PRKAG2: variants seen among roughly 807,000 people sequenced by gnomAD.
The protein encoded by PRKAG2 is 5'-AMP-activated protein kinase subunit gamma-2.
A neutral mutation model predicts 69.6 loss-of-function variants in PRKAG2; 26 were observed. The observed-to-expected ratio is 0.37, with a 90% CI of 0.27 to 0.52. The LOEUF (loss-of-function observed/expected upper bound fraction) is 0.52, where lower values mean the gene tolerates loss of function less well. PRKAG2 is among the 20% of genes least tolerant of loss of function. PRKAG2 has a pLI of 0.90. For missense variants in PRKAG2, 557 were observed against 740.0 expected (o/e 0.75, Z 2.87); for synonymous variants, 293 against 285.0 (o/e 1.03, Z -0.28).
intron 1 of PRKAG2, among the ~76,000 whole-genome samples, chr7:151,855,014 CCCTCCACACACACCAT>C (rs1563756489): frequency 0.02 from 478 of 23,434 alleles, 21 homozygotes; most frequent in East Asian, 0.061. Flanking sequence ...ACACACACCA[CCCTCCACACACACCAT>C]GCTCCACACA....
At position 151,557,597 on chromosome 7, in the gene PRKAG2, C is replaced by T. The variant is rs556560988; in HGVS notation, c.1679-365G>A. 734 of 983,720 alleles carry T rather than the reference C, an allele frequency of 7.5e-4. 5 individuals are homozygous for T. In the African/African-American group the frequency reaches 9.9e-3, roughly 13 times the overall value. The allele number at this position is 983,720 out of a possible 1,614,324, so 60.9% of individuals were successfully genotyped here. A position where few individuals can be genotyped will look rare whatever the true frequency, so the allele number is the denominator to read the frequency against. ...ATTAAAAAAAGGTTTAGGCCGGGCGCGGTGGCTCACATCTGTAATCCCAGC... is the reference window on the plus strand; with the variant it reads ...ATTAAAAAAAGGTTTAGGCCGGGCGTGGTGGCTCACATCTGTAATCCCAGC... On this transcript the variant is annotated intron_variant, in intron 15 of 15. Transcript: ENST00000287878.
chr7:151,561,834 G>T (rs1805032033), intron 14 of PRKAG2, among the ~76,000 whole-genome samples: 1 of 151,928 alleles, frequency 6.6e-6, no homozygotes, highest in African/African-American at 2.4e-5. Context: ...TCAGGAGGCT[G>T]AGACAGGAGA....
intron 1 of PRKAG2, among the ~76,000 whole-genome samples, chr7:151,837,958 G>A (rs539885104): frequency 2.0e-5 from 3 of 152,052 alleles, no homozygotes; most frequent in South Asian, 4.1e-4. Context: ...GGAGCAGGCC[G>A]CGCCTGGGCC....
In PRKAG2 at chr7:151,780,016, G is replaced by A. The variant is rs1230588804; in HGVS notation, c.466+1136C>T. ...GAGGGGTGTGTGTAGAGCATGGTCA[G>A]GACCTGCCCCCCACAACACACACAC... On this transcript the variant is annotated intron_variant, in intron 3 of 15. Transcript: ENST00000287878. The surrounding 1 kb of genome is among the most constrained non-coding windows in gnomAD (Gnocchi z 4.2). Among the ~76,000 whole-genome samples the A allele has an allele frequency of 3.3e-5, 5 of 152,016 alleles. No individual in the cohort carries two copies. The highest frequency in any genetic ancestry group is 1.2e-4 in the African/African-American group (5 of 41,356).
intron 1 of PRKAG2, among the ~76,000 whole-genome samples, chr7:151,845,760 C>G (rs1015876046): frequency 6.6e-6 from 1 of 152,180 alleles, no homozygotes; most frequent in African/African-American, 2.4e-5. Context: ...ACTGCGGGGG[C>G]GGGAAAGGCC....
intron 3 of PRKAG2, among the ~76,000 whole-genome samples, chr7:151,728,379 A>G (rs1798351592): frequency 6.6e-6 from 1 of 152,122 alleles, no homozygotes; most frequent in Admixed American, 6.5e-5. Context: ...ACCCCGGGTG[A>G]CCATCCTTGG....
intron 1 of PRKAG2, among the ~76,000 whole-genome samples, chr7:151,873,364 G>A (rs569961194): frequency 6.6e-5 from 10 of 152,288 alleles, no homozygotes; most frequent in African/African-American, 2.4e-4. Context: ...TCTAGAAACA[G>A]GTGTGGTCTG....
Position 151,788,643 on chromosome 7 carries a change from G to A in PRKAG2, c.115-2102C>T, listed in dbSNP as rs1489182526. On this transcript the variant is annotated intron_variant, in intron 1 of 15. Coordinates refer to ENST00000287878, the MANE Select transcript of PRKAG2 (RefSeq NM_016203.4). This position sits in a 1 kb window ranked among gnomAD's most constrained non-coding sequence, Gnocchi z 4.6. ...TTTTTACTCTGCTGTGTCCTTTGATGTACAGAAGTCTTTGATTTATCTAAT... is the reference window on the plus strand; with the variant it reads ...TTTTTACTCTGCTGTGTCCTTTGATATACAGAAGTCTTTGATTTATCTAAT... Among the ~76,000 whole-genome samples, 1 of 152,180 alleles carries A rather than the reference G, an allele frequency of 6.6e-6. No individual in the cohort carries two copies. The highest frequency in any genetic ancestry group is 2.4e-5 in the African/African-American group (1 of 41,442).
At position 151,814,426 on chromosome 7, in the gene PRKAG2, G is replaced by T. The variant is rs1055745452; in HGVS notation, c.115-27885C>A. Reference sequence around the variant, plus strand: ...CGCAGGTCTGCTTACTCAGCCCCAAGGGGTCCTGGAGGTCTTCTCTTCCAG... The same window carrying T: ...CGCAGGTCTGCTTACTCAGCCCCAATGGGTCCTGGAGGTCTTCTCTTCCAG... On this transcript the variant is annotated intron_variant, in intron 1 of 15. Transcript: ENST00000287878. This position sits in a 1 kb window ranked among gnomAD's most constrained non-coding sequence, Gnocchi z 4.8. 9 of 1,228,184 alleles carry T rather than the reference G, an allele frequency of 7.3e-6. No individual in the cohort carries two copies. Among genetic ancestry groups the T allele is most frequent in the Non-Finnish European group, 8.1e-6 (8 of 986,372 alleles). The allele number at this position is 1,228,184 out of a possible 1,614,324, so 76.1% of individuals were successfully genotyped here.
rs138471852 is a variant in PRKAG2 at position 151,660,852 on chromosome 7, T to C, written c.684+14568A>G. On this transcript the variant is annotated intron_variant, in intron 4 of 15. Coordinates refer to ENST00000287878, the MANE Select transcript of PRKAG2 (RefSeq NM_016203.4). The stretch of plus-strand genomic sequence containing the variant: ...CAGGAAGTTTTAATTTTCTTTTTTA[T>C]GTTTTTCCTTTTATAATCAGAGGAA... 5.1e-3 allele frequency among the ~76,000 whole-genome samples: 772 copies of C among 152,370 alleles called. 6 individuals carry two copies. Among genetic ancestry groups the C allele is most frequent in the African/African-American group, 0.017 (717 of 41,584 alleles).
At chr7:151,744,341 C>T (rs1291833285) in intron 3 of PRKAG2, among the ~76,000 whole-genome samples, 1 of 152,214 alleles carries the variant, frequency 6.6e-6, no homozygotes, top group East Asian at 1.9e-4. Flanking sequence ...GAGCCCCACC[C>T]CAGCCTTATC....
intron 3 of PRKAG2, among the ~76,000 whole-genome samples, chr7:151,708,117 T>TGCCCAGCAA (rs1053923380): frequency 1.3e-5 from 2 of 152,248 alleles, no homozygotes; most frequent in African/African-American, 4.8e-5. Context: ...TGAAGGGGCT[T>TGCCCAGCAA]GCCCAGCAAC....
chr7:151,648,485 G>C (rs1014230389), intron 4 of PRKAG2, among the ~76,000 whole-genome samples: 3 of 152,144 alleles, frequency 2.0e-5, no homozygotes, highest in Non-Finnish European at 2.9e-5. Flanking sequence ...GAAAAGCACG[G>C]AGACATTGCT....
At position 151,630,606 on chromosome 7, in the gene PRKAG2, C is replaced by T. The variant is rs1163147423; in HGVS notation, c.754+1463G>A. Among the ~76,000 whole-genome samples, 5 of 152,208 alleles carry T rather than the reference C, an allele frequency of 3.3e-5. No homozygotes were observed. The East Asian group carries it at 7.7e-4, about 23-fold the overall frequency. The stretch of plus-strand genomic sequence containing the variant: ...CTAAATAAGTAGTAGCGATTCCTCT[C>T]GAACAGAAGCTGCTCTCTAGTTCTT... On this transcript the variant is annotated intron_variant, in intron 5 of 15. Transcript: ENST00000287878.
At chr7:151,739,986 G>A (rs908833309) in intron 3 of PRKAG2, among the ~76,000 whole-genome samples, 6 of 152,058 alleles carry the variant, frequency 3.9e-5, no homozygotes, top group African/African-American at 4.8e-5. Flanking sequence ...TGTGAATGTC[G>A]CCCTTACCAC....
At chr7:151,653,049 T>C (rs1019662818) in intron 4 of PRKAG2, among the ~76,000 whole-genome samples, 1 of 148,918 alleles carries the variant, frequency 6.7e-6, no homozygotes, top group Non-Finnish European at 1.5e-5. Context: ...AAAGGAAATA[T>C]CCCTTTCCTC....
intron 11 of PRKAG2, 47 bp downstream of exon 11, chr7:151,568,669 A>C: frequency 1.3e-6 from 2 of 1,595,944 alleles, no homozygotes; most frequent in African/African-American, 2.7e-5. Context: ...TACATTATTT[A>C]ATAAGTAAAT....
In PRKAG2 at chr7:151,699,330, G is replaced by A. The variant is rs12673766; in HGVS notation, c.467-23693C>T. On this transcript the variant is annotated intron_variant, in intron 3 of 15. Transcript: ENST00000287878. This position sits in a 1 kb window ranked among gnomAD's most constrained non-coding sequence, Gnocchi z 4.5. ...GCAGGCCTAGTCCCAGCAGATCTCCGGGAGATGCTGACTGCTGGCCGGATG... is the reference window on the plus strand; with the variant it reads ...GCAGGCCTAGTCCCAGCAGATCTCCAGGAGATGCTGACTGCTGGCCGGATG... 0.054 allele frequency among the ~76,000 whole-genome samples: 8,174 copies of A among 152,268 alleles called. 359 individuals carry two copies. Among genetic ancestry groups the A allele is most frequent in the East Asian group, 0.22 (1,134 of 5,164 alleles).
At chr7:151,721,596 G>C (rs1342549482) in intron 3 of PRKAG2, among the ~76,000 whole-genome samples, 1 of 152,176 alleles carries the variant, frequency 6.6e-6, no homozygotes, top group Non-Finnish European at 1.5e-5. Flanking sequence ...GTGACAGTGG[G>C]GGACATATGC....
Sources: gnomAD v4.1 joint callset for allele counts (sites outside exome capture counted in the v4.1 genomes callset) on GRCh38, gnomAD v4.1.1 for gene constraint, Gnocchi (gnomAD v3.1) non-coding constraint, MANE v1.5 for transcripts, NCBI Gene and HGNC (gene_info 2026-07-23, HGNC 2026-07-21) for gene names.